WWOX: variants seen among roughly 807,000 people sequenced by gnomAD.
WWOX encodes the protein WW domain containing oxidoreductase.
Under a neutral mutation model 46.2 loss-of-function variants are expected in WWOX, and 69 were observed. The ratio of observed to expected loss-of-function variants is 1.49; its 90% CI spans 1.23 to 1.82. The LOEUF (loss-of-function observed/expected upper bound fraction) is 1.82. Among genes scored for constraint, WWOX ranks in the 40% most tolerant of loss-of-function variants. WWOX has a pLI of 0.00. For missense variants in WWOX, 919 were observed against 542.6 expected, an observed-to-expected ratio of 1.69 and a Z score of -6.89; for synonymous variants, 359 against 202.6, an observed-to-expected ratio of 1.77 and a Z score of -6.56.
chr16:78,415,533 C>G (rs1410390022), intron 6 of WWOX, among the ~76,000 whole-genome samples: 1 of 152,154 alleles, frequency 6.6e-6, no homozygotes, highest in Admixed American at 6.5e-5. Flanking sequence ...AATGGAGTCA[C>G]TCTGGTTTGA....
chr16:78,763,008 T>C (rs1167398361), intron 8 of WWOX, among the ~76,000 whole-genome samples: 4 of 152,146 alleles, frequency 2.6e-5, no homozygotes, highest in Non-Finnish European at 5.9e-5. Context: ...TAGATCTCCA[T>C]ATGCAGAGGG....
chr16:78,894,000 T>G (rs985615095), intron 8 of WWOX, among the ~76,000 whole-genome samples: 1 of 139,778 alleles, frequency 7.2e-6, no homozygotes, highest in Non-Finnish European at 1.6e-5. Context: ...TACCATAGAG[T>G]AATGTCTTTT....
intron 8 of WWOX, among the ~76,000 whole-genome samples, chr16:78,434,363 C>T (rs140341469): frequency 2.9e-4 from 44 of 152,282 alleles, no homozygotes; most frequent in African/African-American, 9.9e-4. Flanking sequence ...CATCACTTTG[C>T]TCCCGATGAC....
intron 8 of WWOX, among the ~76,000 whole-genome samples, chr16:78,538,133 G>C (rs979632570): frequency 7.1e-6 from 1 of 140,488 alleles, no homozygotes; most frequent in East Asian, 2.2e-4. Context: ...GCAGTTACCT[G>C]AAAGAAAATT....
chr16:78,715,905 G>T (rs1217420155), intron 8 of WWOX, among the ~76,000 whole-genome samples: 2 of 152,176 alleles, frequency 1.3e-5, no homozygotes, highest in African/African-American at 4.8e-5. Context: ...GGATACGATG[G>T]AAGCCTGCCA....
At chr16:78,240,876 C>G (rs2037621456) in intron 5 of WWOX, among the ~76,000 whole-genome samples, 1 of 152,070 alleles carries the variant, frequency 6.6e-6, no homozygotes, top group Admixed American at 6.5e-5. Context: ...GTCATTCTCT[C>G]CAGAACATGA....
chr16:78,809,298 C>A (rs2051127124), intron 8 of WWOX, among the ~76,000 whole-genome samples: 2 of 143,222 alleles, frequency 1.4e-5, no homozygotes, highest in African/African-American at 5.3e-5. Context: ...CAAAGCAAAG[C>A]CAATAGAGAT....
chr16:78,597,805 A>C (rs1027539514), intron 8 of WWOX, among the ~76,000 whole-genome samples: 3 of 150,670 alleles, frequency 2.0e-5, no homozygotes, highest in Non-Finnish European at 4.4e-5. Flanking sequence ...GAATATACTG[A>C]ATGCTAAGCC....
chr16:78,973,333 T>G (rs77129123), intron 8 of WWOX, among the ~76,000 whole-genome samples: 3,110 of 152,048 alleles, frequency 0.02, 114 homozygotes, highest in African/African-American at 0.071. Flanking sequence ...GACAGCCGGG[T>G]AGACTGGGGA....
rs538556042 is a variant in WWOX, at chr16:78,819,808, A to G, written c.1056+387056A>G. Among the ~76,000 whole-genome samples the G allele has an allele frequency of 2.0e-5, 3 of 152,288 alleles. No individual in the cohort carries two copies. In the East Asian group the frequency reaches 5.8e-4, roughly 29 times the overall value. Reference sequence around the variant, plus strand: ...TCATCCGTAAACAAAGCTTGGCAATATCTCTGATGGTTAAGAGCTTACGTG... The same window carrying G: ...TCATCCGTAAACAAAGCTTGGCAATGTCTCTGATGGTTAAGAGCTTACGTG... On this transcript the variant is annotated intron_variant, in intron 8 of 8. Transcript: ENST00000566780.
chr16:78,407,477 C>G (rs1374163133), intron 6 of WWOX, among the ~76,000 whole-genome samples: 2 of 152,172 alleles, frequency 1.3e-5, no homozygotes, highest in Non-Finnish European at 2.9e-5. Flanking sequence ...AAAATCTTGC[C>G]TCACTTTTGG....
At chr16:79,169,700 C>T (rs2050663286) in intron 8 of WWOX, among the ~76,000 whole-genome samples, 3 of 152,308 alleles carry the variant, frequency 2.0e-5, no homozygotes, top group East Asian at 1.9e-4. Flanking sequence ...TTAGAATGGA[C>T]CTGCCAAATG....
At chr16:78,701,772 T>C (rs1329310269) in intron 8 of WWOX, among the ~76,000 whole-genome samples, 1 of 151,820 alleles carries the variant, frequency 6.6e-6, no homozygotes, top group Non-Finnish European at 1.5e-5. Context: ...GGGCCCTTGC[T>C]CTGAGATGCA....
chr16:78,417,245 T>G (rs970381443), intron 6 of WWOX, among the ~76,000 whole-genome samples: 18 of 152,036 alleles, frequency 1.2e-4, no homozygotes, highest in African/African-American at 4.3e-4. Flanking sequence ...TTTATTTTTT[T>G]CTTTTTAGTT....
At chr16:78,580,687 A>G (rs542106493) in intron 8 of WWOX, among the ~76,000 whole-genome samples, 2 of 152,328 alleles carry the variant, frequency 1.3e-5, no homozygotes, top group Non-Finnish European at 2.9e-5. Context: ...GTATATGAAA[A>G]ATTTGAAGTT....
At chr16:78,747,817 C>G (rs771092224) in intron 8 of WWOX, among the ~76,000 whole-genome samples, 1 of 152,180 alleles carries the variant, frequency 6.6e-6, no homozygotes, top group Non-Finnish European at 1.5e-5. Context: ...TTAGTCCTAC[C>G]TCTGTCTCCA....
intron 8 of WWOX, among the ~76,000 whole-genome samples, chr16:79,075,093 C>G (rs1000413218): frequency 6.6e-6 from 1 of 152,158 alleles, no homozygotes; most frequent in Non-Finnish European, 1.5e-5. Flanking sequence ...TTGGAATTCA[C>G]TACAACACTG....
intron 8 of WWOX, among the ~76,000 whole-genome samples, chr16:78,735,285 T>G (rs2049061343): frequency 6.6e-6 from 1 of 151,884 alleles, no homozygotes; most frequent in African/African-American, 2.4e-5. Flanking sequence ...CCACCTTGCC[T>G]ATAGCGGATC....
At chr16:78,739,978 C>T (rs933253307) in intron 8 of WWOX, among the ~76,000 whole-genome samples, 1 of 152,140 alleles carries the variant, frequency 6.6e-6, no homozygotes, top group East Asian at 1.9e-4. Flanking sequence ...AATTATCTCA[C>T]CGGTGGAGAC....
Sources: gnomAD v4.1 joint callset for allele counts (sites outside exome capture counted in the v4.1 genomes callset) on GRCh38, gnomAD v4.1.1 for gene constraint, MANE v1.5 for transcripts, NCBI Gene and HGNC (gene_info 2026-07-23, HGNC 2026-07-21) for gene names.